Variants in LUZP2 observed in about 807,000 individuals in gnomAD.
LUZP2 encodes leucine zipper protein 2.
In LUZP2, 52 loss-of-function variants were observed where a neutral mutation model predicts 51.6. The observed-to-expected ratio is 1.01, with a 90% CI of 0.81 to 1.27. LUZP2 has a LOEUF of 1.27. Among genes scored for constraint, LUZP2 ranks in the 50% most tolerant of loss-of-function variants. The pLI is 0.00. For missense variants in LUZP2, 436 were observed against 395.4 expected, an observed-to-expected ratio of 1.10 and a Z score of -0.87; for synonymous variants, 154 against 137.3, an observed-to-expected ratio of 1.12 and a Z score of -0.85.
chr11:24,701,062 T>C (rs1289483776), intron 1 of LUZP2, among the ~76,000 whole-genome samples: 1 of 152,202 alleles, frequency 6.6e-6, no homozygotes, highest in Non-Finnish European at 1.5e-5. Context: ...GCTGTATTCA[T>C]CTGTTTTTGT....
intron 1 of LUZP2, among the ~76,000 whole-genome samples, chr11:24,562,529 AG>A (rs1852078787): frequency 6.6e-6 from 1 of 151,970 alleles, no homozygotes; most frequent in Non-Finnish European, 1.5e-5. Context: ...TAAGTCTATC[AG>A]GGTAAGGACC....
In LUZP2 at chr11:24,514,785, T is replaced by G. The variant is rs148414463; in HGVS notation, c.62+17480T>G. Reference sequence around the variant, plus strand: ...TTAAAAGAATTCTCCCCACTGGTGTTGAAGAAAGAAATATAGTAAGACTTA... The same window carrying G: ...TTAAAAGAATTCTCCCCACTGGTGTGGAAGAAAGAAATATAGTAAGACTTA... On this transcript the variant is annotated intron_variant, in intron 1 of 11. Transcript: ENST00000336930. Among the ~76,000 whole-genome samples the G allele has an allele frequency of 5.3e-5, 8 of 152,292 alleles. No homozygotes were observed. In the East Asian group the frequency reaches 1.5e-3, roughly 29 times the overall value.
chr11:24,723,200 G>C (rs1430350318), intron 1 of LUZP2, among the ~76,000 whole-genome samples: 3 of 152,084 alleles, frequency 2.0e-5, no homozygotes, highest in Non-Finnish European at 4.4e-5. Context: ...CACTACTAGA[G>C]TTACTGAATT....
At chr11:24,999,217 T>C (rs1856600585) in intron 9 of LUZP2, among the ~76,000 whole-genome samples, 1 of 152,170 alleles carries the variant, frequency 6.6e-6, no homozygotes, top group East Asian at 1.9e-4. Context: ...TACATTTAGT[T>C]CTTTATTGAC....
rs1416035344 is a variant in LUZP2 at position 24,638,776 on chromosome 11, T to C, written c.63-90393T>C. Among the ~76,000 whole-genome samples the C allele has an allele frequency of 1.3e-5, 2 of 151,558 alleles. 1 individual carries two copies. Among genetic ancestry groups the C allele is most frequent in the African/African-American group, 4.9e-5 (2 of 41,082 alleles). ...TGTTTAAAAAATAAAATTGATACAT[T>C]AACTAACCTAATCAACAAAACAAAT... On this transcript the variant is annotated intron_variant, in intron 1 of 11. Coordinates refer to ENST00000336930, the MANE Select transcript of LUZP2 (RefSeq NM_001009909.4).
At chr11:24,624,341 A>G (rs975455378) in intron 1 of LUZP2, among the ~76,000 whole-genome samples, 4 of 152,112 alleles carry the variant, frequency 2.6e-5, no homozygotes, top group African/African-American at 7.2e-5. Flanking sequence ...TTTTGTCCTC[A>G]GAACTCCTGT....
intron 1 of LUZP2, among the ~76,000 whole-genome samples, chr11:24,556,568 T>C (rs2133760375): frequency 6.6e-6 from 1 of 152,252 alleles, no homozygotes; most frequent in East Asian, 1.9e-4. Flanking sequence ...TCAAGGAATA[T>C]GTAGAGTAAG....
At position 24,771,491 on chromosome 11, in the gene LUZP2, T is replaced by G. The variant is rs574525502; in HGVS notation, c.396+8183T>G. On this transcript the variant is annotated intron_variant, in intron 5 of 11. Coordinates refer to ENST00000336930, the MANE Select transcript of LUZP2 (RefSeq NM_001009909.4). ...TTAGAAACCTACCTTCCATAGCACA[T>G]CATAGTTCACATTTTTCACAAAGAC... Among the ~76,000 whole-genome samples the G allele has an allele frequency of 2.7e-5, 4 of 150,542 alleles. No homozygotes were observed. The East Asian group carries it at 7.9e-4, about 30-fold the overall frequency.
At chr11:25,025,305 T>C (rs1385588288) in intron 9 of LUZP2, among the ~76,000 whole-genome samples, 1 of 152,082 alleles carries the variant, frequency 6.6e-6, no homozygotes, top group Non-Finnish European at 1.5e-5. Context: ...TGGGATCTAA[T>C]TAAACTAAAG....
At position 24,999,106 on chromosome 11, in the gene LUZP2, A is replaced by G. The variant is rs1034414836; in HGVS notation, c.765+15813A>G. On this transcript the variant is annotated intron_variant, in intron 9 of 11. Transcript: ENST00000336930. ...ATCACATTTCATTTAATGATGTTCA[A>G]AATTTCAATGTTACATTTCATTTAA... Among the ~76,000 whole-genome samples, 9 of 152,148 alleles carry G rather than the reference A, an allele frequency of 5.9e-5. No individual in the cohort carries two copies. The East Asian group carries it at 1.2e-3, about 20-fold the overall frequency.
chr11:24,825,973 C>A (rs953954653), intron 5 of LUZP2, among the ~76,000 whole-genome samples: 5 of 151,352 alleles, frequency 3.3e-5, no homozygotes, highest in Non-Finnish European at 5.9e-5. Flanking sequence ...ATCACGAGGT[C>A]AGGAGATCGA....
intron 1 of LUZP2, among the ~76,000 whole-genome samples, chr11:24,586,514 C>T (rs1853072272): frequency 7.7e-6 from 1 of 129,250 alleles, no homozygotes; most frequent in Admixed American, 7.9e-5. Context: ...TCCCAATCAA[C>T]TTATTATCTT....
intron 5 of LUZP2, among the ~76,000 whole-genome samples, chr11:24,772,614 A>T (rs1406154891): frequency 2.0e-5 from 3 of 152,154 alleles, no homozygotes; most frequent in Non-Finnish European, 2.9e-5. Context: ...CTCCCTATAA[A>T]CTATCCATAT....
chr11:24,755,765 T>G (rs1859749655), intron 4 of LUZP2, among the ~76,000 whole-genome samples: 1 of 152,140 alleles, frequency 6.6e-6, no homozygotes, highest in Non-Finnish European at 1.5e-5. Context: ...TTGTAGCAAT[T>G]AAGAAGCAAC....
At chr11:24,793,913 C>T (rs1273822595) in intron 5 of LUZP2, among the ~76,000 whole-genome samples, 1 of 146,516 alleles carries the variant, frequency 6.8e-6, no homozygotes, top group Non-Finnish European at 1.5e-5. Context: ...CTTTTATATT[C>T]TGACTAACCA....
At chr11:25,025,920 T>C in intron 9 of LUZP2, among the ~76,000 whole-genome samples, 1 of 152,038 alleles carries the variant, frequency 6.6e-6, no homozygotes, top group East Asian at 1.9e-4. Flanking sequence ...TAGACTGGAT[T>C]AAGAAAATGT....
intron 1 of LUZP2, among the ~76,000 whole-genome samples, chr11:24,609,813 A>G (rs1854057739): frequency 6.6e-6 from 1 of 151,914 alleles, no homozygotes; most frequent in Non-Finnish European, 1.5e-5. Context: ...CTAGAAATTC[A>G]TCAGAGAACT....
chr11:24,603,904 A>T (rs11028058), intron 1 of LUZP2, among the ~76,000 whole-genome samples: 49,521 of 151,540 alleles, frequency 0.33, 8,726 homozygotes, highest in African/African-American at 0.43. Flanking sequence ...TATTTTTATT[A>T]TTGTGATATT....
At chr11:24,546,610 C>T (rs1204756811) in intron 1 of LUZP2, among the ~76,000 whole-genome samples, 1 of 151,900 alleles carries the variant, frequency 6.6e-6, no homozygotes, top group Admixed American at 6.6e-5. Flanking sequence ...ACTTTGCATC[C>T]CAGGGATAAA....
Sources: allele counts gnomAD v4.1 joint callset (sites outside exome capture counted in the v4.1 genomes callset), GRCh38; gene constraint gnomAD v4.1.1; transcripts MANE v1.5; gene names NCBI Gene and HGNC (gene_info 2026-07-23, HGNC 2026-07-21).